The following PLEKHG7 variants were observed in gnomAD, a reference collection of about 807,000 sequenced individuals.
PLEKHG7 encodes the protein pleckstrin homology and RhoGEF domain containing G7.
Under a neutral mutation model 85.2 loss-of-function variants are expected in PLEKHG7, and 77 were observed. The ratio of observed to expected loss-of-function variants is 0.90; its 90% CI spans 0.75 to 1.09. PLEKHG7 has a LOEUF of 1.09. PLEKHG7 is among the 50% of genes least tolerant of loss of function. PLEKHG7 has a pLI of 0.00. For missense variants in PLEKHG7, 777 were observed against 804.3 expected, an observed-to-expected ratio of 0.97 and a Z score of 0.41; for synonymous variants, 301 against 302.4, an observed-to-expected ratio of 1.00 and a Z score of 0.05.
At position 92,771,926 on chromosome 12, in the gene PLEKHG7, CTG is replaced by C. The variant is rs1331554019; in HGVS notation, c.*1732_*1733del. ...AGCTCAAGAATATGCTGTACATAAA[CTG>C]GAATTCTATAAAGCTCACAAAGTAA... On this transcript the variant is annotated 3_prime_UTR_variant, in exon 17 of 17. Coordinates refer to ENST00000344636, the MANE Select transcript of PLEKHG7 (RefSeq NM_001377329.1). 2 of 151,902 alleles carry C rather than the reference CTG, an allele frequency of 1.3e-5. No homozygotes were observed. Among genetic ancestry groups the C allele is most frequent in the East Asian group, 3.8e-4 (2 of 5,196 alleles). The allele number at this position is 151,902 out of a possible 1,614,324, so 9.4% of individuals were successfully genotyped here. A position where few individuals can be genotyped will look rare whatever the true frequency, so the allele number is the denominator to read the frequency against.
chr12:92,756,114 G>A (rs557841975), intron 12 of PLEKHG7, among the ~76,000 whole-genome samples, 174 bp downstream of exon 12: 4 of 152,274 alleles, frequency 2.6e-5, no homozygotes, highest in African/African-American at 4.8e-5. Context: ...GGCTGAGGTC[G>A]CTGTGCCATT....
At chr12:92,748,703 G>A (rs1486329946) in intron 10 of PLEKHG7, among the ~76,000 whole-genome samples, 1 of 152,186 alleles carries the variant, frequency 6.6e-6, no homozygotes, top group Non-Finnish European at 1.5e-5. Flanking sequence ...ATAGCCAATA[G>A]GTGGCAAAGA....
intron 11 of PLEKHG7, among the ~76,000 whole-genome samples, chr12:92,754,678 G>A (rs763381751): frequency 6.6e-6 from 1 of 152,104 alleles, no homozygotes; most frequent in Non-Finnish European, 1.5e-5. Flanking sequence ...ATCACCGAAA[G>A]CCAGGGTCAA....
chr12:92,751,644 G>A (rs1008837632), intron 10 of PLEKHG7, among the ~76,000 whole-genome samples: 1 of 151,904 alleles, frequency 6.6e-6, no homozygotes, highest in Admixed American at 6.6e-5. Context: ...AAAGTGCTGG[G>A]ATTACAGGCA....
chr12:92,730,021 G>T (rs1259964511), intron 4 of PLEKHG7, among the ~76,000 whole-genome samples: 1 of 152,040 alleles, frequency 6.6e-6, no homozygotes, highest in Non-Finnish European at 1.5e-5. Context: ...TGGAATCAAG[G>T]CTCCTGACTG....
intron 10 of PLEKHG7, 127 bp downstream of exon 10, chr12:92,745,718 C>T: frequency 1.6e-6 from 1 of 637,072 alleles, no homozygotes; most frequent in Non-Finnish European, 2.7e-6. Flanking sequence ...TATGTTTTAA[C>T]TACAAATCTG....
In PLEKHG7 at chr12:92,740,843, T is replaced by C. The variant is rs762299543; in HGVS notation, c.940-10T>C. 4 of 1,559,630 alleles carry C rather than the reference T, an allele frequency of 2.6e-6. No individual in the cohort carries two copies. Among genetic ancestry groups the C allele is most frequent in the Admixed American group, 1.7e-5 (1 of 58,432 alleles). On this transcript the variant is annotated splice_polypyrimidine_tract_variant and intron_variant, in intron 7 of 16. Transcript: ENST00000344636. ...CAGAAATTAATGTGTATATATTTTT[T>C]ATTTCAAAGATCTTTATGAATACAC...
At chr12:92,757,647 T>G (rs1872871801) in intron 13 of PLEKHG7, among the ~76,000 whole-genome samples, 1 of 152,294 alleles carries the variant, frequency 6.6e-6, no homozygotes, top group East Asian at 1.9e-4. Context: ...AATCCCTTGT[T>G]ATAGGTGAGA....
intron 15 of PLEKHG7, among the ~76,000 whole-genome samples, chr12:92,766,714 C>T (rs1873209902): frequency 6.6e-6 from 1 of 152,050 alleles, no homozygotes; most frequent in Non-Finnish European, 1.5e-5. Flanking sequence ...CCTGTAATTC[C>T]AGCTACTGGG....
chr12:92,713,985 C>T (rs536531521), intron 3 of PLEKHG7, among the ~76,000 whole-genome samples: 7 of 152,290 alleles, frequency 4.6e-5, no homozygotes, highest in African/African-American at 1.7e-4. Context: ...AATATCAATT[C>T]CCATGCCTGT....
chr12:92,756,952 A>G (rs1451876939), intron 13 of PLEKHG7, among the ~76,000 whole-genome samples: 1 of 152,206 alleles, frequency 6.6e-6, no homozygotes, highest in Non-Finnish European at 1.5e-5. Context: ...CGTGCAGTCC[A>G]TGGGACTGGA....
At chr12:92,752,749 A>G (rs1872725245) in intron 10 of PLEKHG7, among the ~76,000 whole-genome samples, 1 of 152,214 alleles carries the variant, frequency 6.6e-6, no homozygotes, top group Admixed American at 6.5e-5. Flanking sequence ...GTTGTAGTCA[A>G]TTCAGGCTGC....
chr12:92,722,232 G>T (rs11615680), intron 3 of PLEKHG7, among the ~76,000 whole-genome samples: 1 of 151,890 alleles, frequency 6.6e-6, no homozygotes, highest in Admixed American at 6.6e-5. Context: ...ACACAGACCC[G>T]GGTCTTTTCT....
chr12:92,719,373 T>C lies in PLEKHG7; in HGVS notation c.531-9620T>C, dbSNP rs150965670. The stretch of plus-strand genomic sequence containing the variant: ...TCTTGCATAGGGTAAAACATTATGA[T>C]TCTTAAAATGGAATGCCAACTTTTT... On this transcript the variant is annotated intron_variant, in intron 3 of 16. Transcript: ENST00000344636. Among the ~76,000 whole-genome samples the C allele has an allele frequency of 1.4e-3, 207 of 152,348 alleles. 1 individual carries two copies. Among genetic ancestry groups the C allele is most frequent in the Non-Finnish European group, 2.5e-3 (171 of 68,030 alleles).
intron 3 of PLEKHG7, among the ~76,000 whole-genome samples, chr12:92,725,758 A>T (rs1401529957): frequency 2.0e-5 from 3 of 152,232 alleles, no homozygotes; most frequent in African/African-American, 7.2e-5. Flanking sequence ...TCTACTATTC[A>T]TAAGTAAAAC....
intron 3 of PLEKHG7, among the ~76,000 whole-genome samples, chr12:92,711,878 G>A (rs1045372401): frequency 1.1e-4 from 17 of 151,870 alleles, no homozygotes; most frequent in Admixed American, 3.3e-4. Flanking sequence ...CAGGTCACTC[G>A]ATAAATGGGC....
chr12:92,731,959 A>T (rs1311499570), intron 4 of PLEKHG7, among the ~76,000 whole-genome samples: 2 of 152,226 alleles, frequency 1.3e-5, no homozygotes, highest in African/African-American at 2.4e-5. Flanking sequence ...AGCAATGAGG[A>T]AAAAGAGTTT....
intron 14 of PLEKHG7, among the ~76,000 whole-genome samples, chr12:92,763,510 C>G (rs528794869): frequency 1.3e-5 from 2 of 152,174 alleles, no homozygotes; most frequent in East Asian, 1.9e-4. Flanking sequence ...GGTAATGAAA[C>G]TTGGAGATCA....
chr12:92,714,227 G>A (rs1409401338), intron 3 of PLEKHG7, among the ~76,000 whole-genome samples: 1 of 152,198 alleles, frequency 6.6e-6, no homozygotes, highest in Non-Finnish European at 1.5e-5. Flanking sequence ...CTCAGGCAGT[G>A]CAGGGTTTAT....
Sources: allele counts gnomAD v4.1 joint callset (sites outside exome capture counted in the v4.1 genomes callset), GRCh38; gene constraint gnomAD v4.1.1; transcripts MANE v1.5; gene names NCBI Gene and HGNC (gene_info 2026-07-23, HGNC 2026-07-21).